Variants in WWOX observed in about 807,000 individuals in gnomAD.
WWOX encodes WW domain containing oxidoreductase, also known as WW domain-containing oxidoreductase.
In WWOX, 69 loss-of-function variants were observed where a neutral mutation model predicts 46.2. That is an observed-to-expected ratio of 1.49 (90% CI 1.23 to 1.82). WWOX has a LOEUF of 1.82. Among genes scored for constraint, WWOX ranks in the 40% most tolerant of loss-of-function variants. The pLI is 0.00. For synonymous variants in WWOX, 359 were observed against 202.6 expected, an observed-to-expected ratio of 1.77 and a Z score of -6.56; for missense variants, 919 against 542.6, an observed-to-expected ratio of 1.69 and a Z score of -6.89.
At chr16:79,181,164 A>G (rs1472506878) in intron 8 of WWOX, among the ~76,000 whole-genome samples, 2 of 152,210 alleles carry the variant, frequency 1.3e-5, no homozygotes, top group African/African-American at 4.8e-5. Flanking sequence ...TTATACATGC[A>G]CTATAGGAGT....
intron 8 of WWOX, among the ~76,000 whole-genome samples, chr16:78,733,773 ATAAC>A (rs1165757873): frequency 2.0e-5 from 3 of 151,966 alleles, no homozygotes; most frequent in African/African-American, 7.2e-5. Context: ...AGTAAATAAA[ATAAC>A]TAACTAGGCT....
rs561125627 is a variant in WWOX, at chr16:79,098,861, TC to T, written c.1057-112746del. Among the ~76,000 whole-genome samples, 12 of 152,364 alleles carry T rather than the reference TC, an allele frequency of 7.9e-5. No individual in the cohort carries two copies. The East Asian group carries it at 2.3e-3, about 29-fold the overall frequency. On this transcript the variant is annotated intron_variant, in intron 8 of 8. Coordinates refer to ENST00000566780, the MANE Select transcript of WWOX (RefSeq NM_016373.4). ...CCTTCTCTGTATATCTTTTAAAATTTCTACTTCTGATAGAGTAAAGGGTATA... is the reference window on the plus strand; with the variant it reads ...CCTTCTCTGTATATCTTTTAAAATTTTACTTCTGATAGAGTAAAGGGTATA...
chr16:78,124,334 A>T (rs554027644), intron 4 of WWOX: 1 of 152,178 alleles, frequency 6.6e-6, no homozygotes, highest in African/African-American at 2.4e-5. Flanking sequence ...TTAAAACTAG[A>T]TGGCGATTCT....
In WWOX at chr16:78,577,238, G is replaced by A. The variant is rs78830297; in HGVS notation, c.1056+144486G>A. 3.5e-3 allele frequency among the ~76,000 whole-genome samples: 538 copies of A among 152,338 alleles called. 3 individuals carry two copies. The highest frequency in any genetic ancestry group is 5.8e-3 in the Non-Finnish European group (395 of 68,024). Reference sequence around the variant, plus strand: ...AGGGAAATTGTATGCCTTACAAGGAGGTGAGAGGATGGAAAATGAATATTT... The same window carrying A: ...AGGGAAATTGTATGCCTTACAAGGAAGTGAGAGGATGGAAAATGAATATTT... On this transcript the variant is annotated intron_variant, in intron 8 of 8. Transcript: ENST00000566780.
At chr16:79,102,936 C>T (rs1352007268) in intron 8 of WWOX, among the ~76,000 whole-genome samples, 1 of 152,040 alleles carries the variant, frequency 6.6e-6, no homozygotes, top group Non-Finnish European at 1.5e-5. Flanking sequence ...TCCTCTTCCT[C>T]CCTCTCTTCC....
intron 5 of WWOX, among the ~76,000 whole-genome samples, chr16:78,260,671 A>C (rs146419623): frequency 6.7e-6 from 1 of 149,868 alleles, no homozygotes; most frequent in African/African-American, 2.5e-5. Context: ...CCATCTAAAA[A>C]AAAAAATTAG....
intron 8 of WWOX, among the ~76,000 whole-genome samples, chr16:78,512,229 C>T (rs941534635): frequency 1.3e-5 from 2 of 152,008 alleles, no homozygotes; most frequent in African/African-American, 2.4e-5. Flanking sequence ...AAGAAACTCC[C>T]GATATTTAAT....
chr16:78,846,543 T>G (rs1296335680), intron 8 of WWOX, among the ~76,000 whole-genome samples: 1 of 152,086 alleles, frequency 6.6e-6, no homozygotes, highest in African/African-American at 2.4e-5. Flanking sequence ...CGTGGTGCAT[T>G]TTTGGGAGGA....
At chr16:78,280,868 C>A in intron 5 of WWOX, 1 of 152,802 alleles carries the variant, frequency 6.5e-6, no homozygotes, top group South Asian at 2.0e-4. Flanking sequence ...TCTGAATCAT[C>A]AGAATTGTGT....
chr16:78,231,898 AT>A (rs60192521), intron 5 of WWOX, among the ~76,000 whole-genome samples: 127,763 of 151,510 alleles, frequency 0.84, 54,361 homozygotes, highest in African/African-American at 0.96. Flanking sequence ...TCTAATCTTG[AT>A]TTTTTTTTTC....
chr16:79,208,359 C>G (rs137873289), intron 8 of WWOX, among the ~76,000 whole-genome samples: 1 of 147,082 alleles, frequency 6.8e-6, no homozygotes, highest in African/African-American at 2.5e-5. Flanking sequence ...AACCTACAGG[C>G]TTCTGATAAA....
chr16:78,130,939 G>A (rs7201309), intron 4 of WWOX, among the ~76,000 whole-genome samples: 140,169 of 152,320 alleles, frequency 0.92, 64,632 homozygotes, highest in East Asian at 0.99. Flanking sequence ...CAAATCCTAC[G>A]TGGTATAACC....
intron 5 of WWOX, among the ~76,000 whole-genome samples, chr16:78,303,772 G>A (rs1215934612): frequency 2.0e-5 from 3 of 152,022 alleles, no homozygotes; most frequent in Admixed American, 6.6e-5. Flanking sequence ...TCAAACTCCC[G>A]ACCTGAGATG....
chr16:79,212,229 C>A lies in WWOX; in HGVS notation c.*433C>A, dbSNP rs1185804872. ...GGGAAGAAAAAGCAAGTGTTCACTG[C>A]TCCTTGCTGCATTGATCCAGGAGAT... On this transcript the variant is annotated 3_prime_UTR_variant, in exon 9 of 9. Coordinates refer to ENST00000566780, the MANE Select transcript of WWOX (RefSeq NM_016373.4). 5.1e-6 allele frequency: 7 copies of A among 1,379,372 alleles called. No homozygotes were observed. Among genetic ancestry groups the A allele is most frequent in the Non-Finnish European group, 6.7e-6 (7 of 1,047,554 alleles). The allele number at this position is 1,379,372 out of a possible 1,614,324, so 85.4% of individuals were successfully genotyped here. A position where few individuals can be genotyped will look rare whatever the true frequency, so the allele number is the denominator to read the frequency against.
intron 8 of WWOX, among the ~76,000 whole-genome samples, chr16:78,835,991 G>A (rs534237273): frequency 3.5e-4 from 53 of 152,218 alleles, no homozygotes; most frequent in Middle Eastern, 6.8e-3. Flanking sequence ...TCAAAGCCTC[G>A]TTATTCTTGT....
Position 78,469,663 on chromosome 16 carries a change from G to T in WWOX, c.1056+36911G>T, listed in dbSNP as rs551161598. 6.6e-5 allele frequency among the ~76,000 whole-genome samples: 10 copies of T among 152,258 alleles called. No homozygotes were observed. In the South Asian group the frequency reaches 1.2e-3, roughly 19 times the overall value. ...TGTCTGAGTACCGCGCAGATAGTGG[G>T]GAATAGTCTATGGATTCTGCTTACA... is the stretch of plus-strand genomic sequence containing the variant. On this transcript the variant is annotated intron_variant, in intron 8 of 8. Transcript: ENST00000566780.
chr16:78,798,650 C>G (rs1352285983), intron 8 of WWOX, among the ~76,000 whole-genome samples: 3 of 149,098 alleles, frequency 2.0e-5, no homozygotes, highest in Admixed American at 1.3e-4. Context: ...TTTCTCGAAA[C>G]ATATATATTT....
intron 8 of WWOX, among the ~76,000 whole-genome samples, chr16:79,009,588 C>T (rs139110284): frequency 6.6e-6 from 1 of 152,264 alleles, no homozygotes; most frequent in Non-Finnish European, 1.5e-5. Context: ...CTGCCTCAGC[C>T]CATAGGCACA....
chr16:78,660,570 T>G (rs1176156383), intron 8 of WWOX, among the ~76,000 whole-genome samples: 1 of 152,124 alleles, frequency 6.6e-6, no homozygotes. Flanking sequence ...TGTTTACTGT[T>G]TATTTGTGTT....
Sources: allele counts gnomAD v4.1 joint callset (sites outside exome capture counted in the v4.1 genomes callset), GRCh38; gene constraint gnomAD v4.1.1; transcripts MANE v1.5; gene names NCBI Gene and HGNC (gene_info 2026-07-23, HGNC 2026-07-21).